The following RBFOX2 variants were observed in gnomAD, a reference collection of about 807,000 sequenced individuals.
RBFOX2 encodes RNA binding fox-1 homolog 2.
In RBFOX2, 10 loss-of-function variants were observed where a neutral mutation model predicts 49.1. That is an observed-to-expected ratio of 0.20 (90% CI 0.13 to 0.35). The LOEUF is 0.35. Ranked by LOEUF, RBFOX2 falls within the 10% of genes least tolerant of loss-of-function variation. RBFOX2 has a pLI of 1.00. For synonymous variants in RBFOX2, 183 were observed against 187.4 expected (o/e 0.98, Z 0.19); for missense variants, 323 against 486.9 (o/e 0.66, Z 3.17).
intron 1 of RBFOX2, among the ~76,000 whole-genome samples, chr22:36,023,578 G>A (rs1274891569): frequency 3.3e-5 from 5 of 152,146 alleles, no homozygotes; most frequent in Admixed American, 1.3e-4. Context: ...TGTATAGAGC[G>A]TAAATTTCAT....
At chr22:35,939,080 A>G, upstream of RBFOX2, 1 of 703,796 alleles carries the variant, frequency 1.4e-6, no homozygotes, top group Non-Finnish European at 2.6e-6. Context: ...GGCAAAAACA[A>G]AAAACAGTAT....
chr22:35,911,120 T>C (rs1464883292), intron 1 of RBFOX2, among the ~76,000 whole-genome samples: 1 of 152,228 alleles, frequency 6.6e-6, no homozygotes, highest in East Asian at 1.9e-4. Flanking sequence ...AAGCCTGATA[T>C]GACCTCCCGG....
rs148372592 is a variant in RBFOX2, at chr22:35,922,359, T to C, written c.-34+16488A>G. Among the ~76,000 whole-genome samples, 456 of 151,708 alleles carry C rather than the reference T, an allele frequency of 3.0e-3. 8 individuals are homozygous for C. Among genetic ancestry groups the C allele is most frequent in the East Asian group, 0.016 (81 of 5,132 alleles). ...ACTTTGGGAGGCCATCGCGGGCAGA[T>C]CACGAGGTCAGGAGTTCGAGGCCAG... On this transcript the variant is annotated intron_variant, in intron 1 of 13. Coordinates refer to the RBFOX2 transcript ENST00000359369.
intron 1 of RBFOX2, among the ~76,000 whole-genome samples, chr22:35,860,834 C>T (rs776729909): frequency 1.6e-4 from 25 of 152,180 alleles, no homozygotes; most frequent in Non-Finnish European, 2.6e-4. Context: ...TATCTCTCCA[C>T]TTCATTCCAC....
At chr22:35,964,256 A>G (rs894881690), upstream of RBFOX2, among the ~76,000 whole-genome samples, 7 of 152,294 alleles carry the variant, frequency 4.6e-5, no homozygotes, top group Admixed American at 2.6e-4. Context: ...AAATCATTTT[A>G]CATCTGTGTT....
At chr22:35,844,790 G>A (rs927155688), upstream of RBFOX2, among the ~76,000 whole-genome samples, 1 of 151,902 alleles carries the variant, frequency 6.6e-6, no homozygotes, top group Non-Finnish European at 1.5e-5. Context: ...ACAGGCGTGA[G>A]CCACCGCGCC....
chr22:35,899,566 C>CAAAAAAAAAAAAAAAAAA (rs398061920), intron 1 of RBFOX2, among the ~76,000 whole-genome samples: 1 of 90,078 alleles, frequency 1.1e-5, no homozygotes. Context: ...TAAAACAAAA[C>CAAAAAAAAAAAAAAAAAA]AAAAAAAAAA....
chr22:35,814,527 A>T (rs1364573276), intron 1 of RBFOX2, among the ~76,000 whole-genome samples: 1 of 148,712 alleles, frequency 6.7e-6, no homozygotes, highest in African/African-American at 2.5e-5. Context: ...TAGGCAACAT[A>T]GTGGGATCCT....
intron 4 of RBFOX2, among the ~76,000 whole-genome samples, chr22:35,774,579 GCA>G (rs1487124198): frequency 1.6e-4 from 25 of 152,072 alleles, no homozygotes. Context: ...GCACGTGTGT[GCA>G]CAAATATGAT....
intron 1 of RBFOX2, among the ~76,000 whole-genome samples, chr22:35,919,749 G>A (rs1416019303): frequency 6.6e-6 from 1 of 152,094 alleles, no homozygotes; most frequent in Admixed American, 6.6e-5. Context: ...ACCTCCTTTG[G>A]GAAGGAAATT....
chr22:35,756,030 A>G (rs981046234), intron 9 of RBFOX2, 75 bp downstream of exon 11: 54 of 1,182,422 alleles, frequency 4.6e-5, no homozygotes, highest in Non-Finnish European at 5.6e-5. Context: ...AAACCAAACC[A>G]AACCAAAGAA....
chr22:35,966,815 A>AT (rs2056587156), intron 1 of RBFOX2, among the ~76,000 whole-genome samples: 1 of 151,918 alleles, frequency 6.6e-6, no homozygotes, highest in Admixed American at 6.6e-5. Flanking sequence ...TATACATATA[A>AT]TTTTTCCCCC....
chr22:35,984,743 A>G (rs1004929413), intron 1 of RBFOX2, among the ~76,000 whole-genome samples: 5 of 152,190 alleles, frequency 3.3e-5, no homozygotes, highest in African/African-American at 1.2e-4. Flanking sequence ...CGAAAGAAGC[A>G]CAAGAATATA....
At chr22:35,883,866 A>G (rs553001313) in intron 1 of RBFOX2, among the ~76,000 whole-genome samples, 2 of 152,168 alleles carry the variant, frequency 1.3e-5, no homozygotes, top group African/African-American at 4.8e-5. Context: ...TCCCATTTTT[A>G]TAATGTGTTC....
At chr22:35,780,892 A>C (rs1945006257) in intron 3 of RBFOX2, among the ~76,000 whole-genome samples, 1 of 152,214 alleles carries the variant, frequency 6.6e-6, no homozygotes, top group Non-Finnish European at 1.5e-5. Context: ...GAATCTTTTT[A>C]GACATTACAA....
intron 1 of RBFOX2, among the ~76,000 whole-genome samples, chr22:36,024,048 G>A (rs1314671057): frequency 2.0e-5 from 3 of 152,218 alleles, no homozygotes; most frequent in Non-Finnish European, 2.9e-5. Context: ...CCTTGGGAAT[G>A]ACCCCAGTAA....
chr22:35,814,592 T>C (rs1004280720), intron 1 of RBFOX2, among the ~76,000 whole-genome samples: 1 of 150,706 alleles, frequency 6.6e-6, no homozygotes, highest in East Asian at 2.0e-4. Context: ...GTGCCTGTAG[T>C]CCCAGTTGCT....
chr22:35,876,873 A>G (rs1277854258), intron 1 of RBFOX2, among the ~76,000 whole-genome samples: 1 of 152,152 alleles, frequency 6.6e-6, no homozygotes, highest in East Asian at 1.9e-4. Flanking sequence ...TAAACAAAAA[A>G]CAAGATAGCT....
chr22:35,946,126 G>C (rs1437580914), intron 1 of RBFOX2, among the ~76,000 whole-genome samples: 1 of 152,132 alleles, frequency 6.6e-6, no homozygotes, highest in Non-Finnish European at 1.5e-5. Context: ...GTGGTCGCAG[G>C]TGTCTAAGAA....
Sources: gnomAD v4.1 joint callset for allele counts (sites outside exome capture counted in the v4.1 genomes callset) on GRCh38, gnomAD v4.1.1 for gene constraint, MANE v1.5 for transcripts, NCBI Gene and HGNC (gene_info 2026-07-23, HGNC 2026-07-21) for gene names.